Variants in RAD21 observed in about 807,000 individuals in gnomAD.
RAD21 encodes the protein RAD21 cohesin complex component, also known as double-strand-break repair protein rad21 homolog.
In RAD21, 18 loss-of-function variants were observed where a neutral mutation model predicts 71.5. The observed-to-expected ratio is 0.25, with a 90% CI of 0.17 to 0.37. The LOEUF is 0.37. Ranked by LOEUF, RAD21 falls within the 10% of genes least tolerant of loss-of-function variation. RAD21 has a pLI of 1.00. For synonymous variants in RAD21, 248 were observed against 254.0 expected, an observed-to-expected ratio of 0.98 and a Z score of 0.22; for missense variants, 493 against 769.1, an observed-to-expected ratio of 0.64 and a Z score of 4.25.
chr8:116,862,038 CATAGAAAGGTTGATAACATATGCA>C, intron 3 of RAD21, 98 bp from the exon 4 acceptor site: 2 of 903,724 alleles, frequency 2.2e-6, no homozygotes, highest in Non-Finnish European at 3.5e-6. Context: ...TTTATATTCT[CATAGAAAGGTTGATAACATATGCA>C]AAATACCTTG....
intron 1 of RAD21, 130 bp from the exon 2 acceptor site, chr8:116,866,891 T>G: frequency 3.7e-6 from 2 of 534,220 alleles, no homozygotes; most frequent in East Asian, 3.4e-5. Flanking sequence ...AAATGTTTAA[T>G]ATGTATTTTA....
At chr8:116,863,794 C>T (rs992556398) in intron 2 of RAD21, among the ~76,000 whole-genome samples, 4 of 152,080 alleles carry the variant, frequency 2.6e-5, no homozygotes, top group African/African-American at 9.7e-5. Flanking sequence ...TTCATGCAGT[C>T]ACCCTGTAAA....
intron 10 of RAD21, 120 bp downstream of exon 10, chr8:116,852,429 T>C (rs1380646290): frequency 2.7e-6 from 3 of 1,124,188 alleles, no homozygotes; most frequent in Non-Finnish European, 3.7e-6. Context: ...TGCATTTCCC[T>C]GCCCAAACAT....
At chr8:116,854,508 G>T in intron 8 of RAD21, 40 bp from the exon 9 acceptor site, 3 of 1,484,448 alleles carry the variant, frequency 2.0e-6, no homozygotes, top group Non-Finnish European at 2.8e-6. Flanking sequence ...TTCCTGAGAG[G>T]CCAGCATGGA....
chr8:116,869,082 A>G (rs1452272567), intron 1 of RAD21, among the ~76,000 whole-genome samples: 11 of 152,176 alleles, frequency 7.2e-5, no homozygotes, highest in Non-Finnish European at 1.2e-4. Flanking sequence ...TGACACATCA[A>G]AAACACAACC....
chr8:116,856,722 A>T lies in RAD21; in HGVS notation c.738T>A (p.Pro246=). 6.3e-7 allele frequency: 1 copy of T among 1,577,126 alleles called. No homozygotes were observed. The highest frequency in any genetic ancestry group is 8.6e-7 in the Non-Finnish European group (1 of 1,160,356). Reference sequence around the variant, plus strand: ...ACATCACCCCTGCCTCAGAGAGGGCAGGGGGATCATCAAAGATACCGCCAT... The same window carrying T: ...ACATCACCCCTGCCTCAGAGAGGGCTGGGGGATCATCAAAGATACCGCCAT... ...NNDGGIFDDP[P]ALSEAGVMLP... is the part of the protein sequence containing the mutation. Residue 246 remains proline, a synonymous_variant, in exon 7 of 14, where the codon CCT becomes CCA. Coordinates refer to ENST00000297338, the MANE Select transcript of RAD21 (RefSeq NM_006265.3).
In RAD21 at chr8:116,848,380, T is replaced by C. The variant is rs1812286465; in HGVS notation, c.1704+566A>G. On this transcript the variant is annotated intron_variant, in intron 13 of 13. Transcript: ENST00000297338. ...AAAATAACCAATTTCTTTAGACAGC[T>C]AATGTAATATAGTAGTAAAATCTAG... 2.0e-5 allele frequency among the ~76,000 whole-genome samples: 3 copies of C among 152,212 alleles called. No homozygotes were observed. In the South Asian group the frequency reaches 6.2e-4, roughly 32 times the overall value.
chr8:116,856,913 G>T, intron 6 of RAD21, 142 bp from the exon 7 acceptor site: 1 of 538,558 alleles, frequency 1.9e-6, no homozygotes, highest in African/African-American at 2.0e-5. Flanking sequence ...CCTCCAGGTA[G>T]TTTATAAAAG....
Position 116,856,839 on chromosome 8 carries a change from G to A in RAD21, c.689-68C>T. The A allele has an allele frequency of 2.5e-6, 3 of 1,198,554 alleles. No homozygotes were observed. The South Asian group carries it at 7.1e-5, about 28-fold the overall frequency. The allele number at this position is 1,198,554 out of a possible 1,614,324, so 74.2% of individuals were successfully genotyped here. Reference sequence around the variant, plus strand: ...TGCCAAACCACAACAGCCAATCAATGGAAAAACAAAATTATGTTAAAAGGG... The same window carrying A: ...TGCCAAACCACAACAGCCAATCAATAGAAAAACAAAATTATGTTAAAAGGG... On this transcript the variant is annotated intron_variant, in intron 6 of 13. Transcript: ENST00000297338.
intron 8 of RAD21, among the ~76,000 whole-genome samples, chr8:116,855,424 G>A (rs911101205): frequency 6.6e-5 from 10 of 151,998 alleles, no homozygotes; most frequent in African/African-American, 2.4e-4. Flanking sequence ...TAAATAATGT[G>A]TCTTGCAATG....
In RAD21 at chr8:116,854,477, A is replaced by T. The variant is rs772246627; in HGVS notation, c.938-9T>A. On this transcript the variant is annotated splice_polypyrimidine_tract_variant and intron_variant, in intron 8 of 13. Transcript: ENST00000297338. ...GGCTTTTGTTTCTTTAACTGGAATGATAATAAAAAATAAGATCATTTTCCT... is the reference window on the plus strand; with the variant it reads ...GGCTTTTGTTTCTTTAACTGGAATGTTAATAAAAAATAAGATCATTTTCCT... 6.3e-7 allele frequency: 1 copy of T among 1,597,160 alleles called. No individual in the cohort carries two copies.
chr8:116,847,581 C>T lies in RAD21; in HGVS notation c.1815G>A (p.Lys605=), dbSNP rs1203951092. Residue 605 remains lysine (K), a synonymous_variant, in exon 14 of 14, where the codon AAG becomes AAA. Transcript: ENST00000297338. ...AKFYSFLVLK[K]QQAIELTQEE... ...CCTGTGTCAGCTCAATAGCTTGCTGCTTTTTAAGAACCAAGAAGCTGTAGA... is the reference window on the plus strand; with the variant it reads ...CCTGTGTCAGCTCAATAGCTTGCTGTTTTTTAAGAACCAAGAAGCTGTAGA... The T allele has an allele frequency of 6.2e-6, 10 of 1,613,936 alleles. No individual in the cohort carries two copies. The highest frequency in any genetic ancestry group is 8.5e-6 in the Non-Finnish European group (10 of 1,179,982).
At chr8:116,868,545 T>C (rs1407811431) in intron 1 of RAD21, among the ~76,000 whole-genome samples, 6 of 152,070 alleles carry the variant, frequency 3.9e-5, no homozygotes, top group African/African-American at 1.4e-4. Flanking sequence ...TTGTTAAGTA[T>C]ATGTTTAGTT....
chr8:116,857,708 G>T (rs1812498898), intron 5 of RAD21, among the ~76,000 whole-genome samples: 1 of 152,178 alleles, frequency 6.6e-6, no homozygotes, highest in Non-Finnish European at 1.5e-5. Flanking sequence ...CTTAGATCTA[G>T]ATTTAAATGA....
Position 116,850,645 on chromosome 8 carries a change from CTTCTCT to C in RAD21, c.1587_1592del (p.Lys533_Glu534del). The C allele has an allele frequency of 6.2e-7, 1 of 1,607,768 alleles. No homozygotes were observed. The highest frequency in any genetic ancestry group is 1.7e-5 in the Admixed American group (1 of 59,556). On this transcript the variant is annotated inframe_deletion, in exon 12 of 14. Coordinates refer to ENST00000297338, the MANE Select transcript of RAD21 (RefSeq NM_006265.3). ...CTTCCTCTTCATCATCTTCTTTTTC[CTTCTCT>C]TTCTCCTTCTCTTTTTCTGGCAGAA...
chr8:116,873,307 C>T (rs369414191), intron 1 of RAD21, among the ~76,000 whole-genome samples: 2 of 152,318 alleles, frequency 1.3e-5, no homozygotes, highest in African/African-American at 4.8e-5. Flanking sequence ...GCACTGCTGT[C>T]ACCTCAACTA....
intron 1 of RAD21, among the ~76,000 whole-genome samples, chr8:116,872,996 A>G (rs1243782150): frequency 6.6e-6 from 1 of 152,246 alleles, no homozygotes; most frequent in African/African-American, 2.4e-5. Flanking sequence ...TTCATCAAAA[A>G]AGATTATGAA....
intron 1 of RAD21, among the ~76,000 whole-genome samples, chr8:116,868,736 A>G (rs1812748772): frequency 6.6e-6 from 1 of 152,282 alleles, no homozygotes; most frequent in Non-Finnish European, 1.5e-5. Flanking sequence ...CAAGATTGGT[A>G]TTAGCAGAGG....
intron 8 of RAD21, among the ~76,000 whole-genome samples, chr8:116,854,899 T>TAA (rs2130463932): frequency 6.6e-6 from 1 of 152,322 alleles, no homozygotes; most frequent in South Asian, 2.1e-4. Flanking sequence ...AGAAAAGTTG[T>TAA]AATTCACATA....
Sources: gnomAD v4.1 joint callset for allele counts (sites outside exome capture counted in the v4.1 genomes callset) on GRCh38, gnomAD v4.1.1 for gene constraint, MANE v1.5 for transcripts, NCBI Gene and HGNC (gene_info 2026-07-23, HGNC 2026-07-21) for gene names.